Variants in PAX4 observed in about 807,000 individuals in gnomAD.
The protein encoded by PAX4 is paired box 4, also known as paired box protein Pax-4.
A neutral mutation model predicts 40.6 loss-of-function variants in PAX4; 33 were observed. The observed-to-expected ratio is 0.81, with a 90% CI of 0.62 to 1.09. PAX4 has a LOEUF of 1.09. Ranked by LOEUF, PAX4 falls within the 50% of genes least tolerant of loss-of-function variation. The pLI, the probability that PAX4 is intolerant of heterozygous loss-of-function variation, is 0.00. For missense variants in PAX4, 459 were observed against 442.5 expected (o/e 1.04, Z -0.33); for synonymous variants, 174 against 170.6 (o/e 1.02, Z -0.16).
Position 127,611,447 on chromosome 7 carries a change from C to T in PAX4, c.913+88G>A, listed in dbSNP as rs747910679. The T allele has an allele frequency of 7.0e-4, 1,129 of 1,604,954 alleles. 1 individual carries two copies. The highest frequency in any genetic ancestry group is 9.2e-4 in the Non-Finnish European group (1,077 of 1,175,710). On this transcript the variant is annotated intron_variant, in intron 11 of 11. Transcript: ENST00000639438. Reference sequence around the variant, plus strand: ...GCTGTATTGAGATTCCTTTGATGACCCCCAATGGAGATCCATGCCCTCCTG... The same window carrying T: ...GCTGTATTGAGATTCCTTTGATGACTCCCAATGGAGATCCATGCCCTCCTG...
chr7:127,611,194 G>T lies in PAX4; in HGVS notation c.926C>A (p.Pro309Gln). 1.3e-6 allele frequency: 2 copies of T among 1,599,850 alleles called. No individual in the cohort carries two copies. Among genetic ancestry groups the T allele is most frequent in the Non-Finnish European group, 1.7e-6 (2 of 1,173,452 alleles). The change falls in exon 12 of 12, where the codon CCA (proline) becomes CAA (glutamine). Residue 309 changes from proline (P) to glutamine (Q), a missense_variant. By Grantham distance (76) the Pro-to-Gln change is moderately conservative. Transcript: ENST00000639438. The part of the protein sequence containing the change: ...CLKPCWGHLP[P>Q]QPNSLDSGLL... ...TCCTGAGTCCAGGGAATTCGGCTGT[G>T]GGGGCAAGTGGCCTGTGGGGACAAA...
Position 127,615,601 on chromosome 7 carries a change from T to G in PAX4, c.14-70A>C. Reference sequence around the variant, plus strand: ...CCTGCCCGCCTGTGGAGAGGGTCACTCAGGCCCCTCCAGCCTGGCTTCCCA... The same window carrying G: ...CCTGCCCGCCTGTGGAGAGGGTCACGCAGGCCCCTCCAGCCTGGCTTCCCA... On this transcript the variant is annotated intron_variant, in intron 3 of 11. Transcript: ENST00000639438. 3 of 1,609,508 alleles carry G rather than the reference T, an allele frequency of 1.9e-6. No homozygotes were observed. The Admixed American group carries it at 5.0e-5, about 27-fold the overall frequency.
chr7:127,611,553 A>T lies in PAX4; in HGVS notation c.895T>A (p.Cys299Ser), dbSNP rs764864069. 1 of 1,613,750 alleles carries T rather than the reference A, an allele frequency of 6.2e-7. No homozygotes were observed. The highest frequency in any genetic ancestry group is 8.5e-7 in the Non-Finnish European group (1 of 1,179,848). Residue 299 changes from cysteine (C) to serine (S), a missense_variant, in exon 11 of 12, where the codon TGT becomes AGT. Transcript: ENST00000639438. ...TTCTTACCCCAGCAGGGCTTGAGAC[A>T]GGCTTTAGGTGGGGTGTCACTCAGA... The part of the protein sequence containing the change: ...RCLSDTPPKA[C>S]LKPCWGHLPP...
At position 127,611,108 on chromosome 7, in the gene PAX4, C is replaced by A. The variant is rs1441836757; in HGVS notation, c.1012G>T (p.Ala338Ser). Residue 338 changes from alanine to serine, a missense_variant, in exon 12 of 12, where the codon GCC (alanine) becomes TCC (serine). Coordinates refer to ENST00000639438, the MANE Select transcript of PAX4 (RefSeq NM_001366110.1). ...CHLASLSGSQALLWPGCPLLY... is the reference protein window; with the variant it reads ...CHLASLSGSQSLLWPGCPLLY... ...AGTGGGCAGCCAGGCCAGAGCAGGG[C>A]CTGAGAGCCACTAAGACTGGCCAGG... The A allele has an allele frequency of 1.2e-6, 2 of 1,607,756 alleles. No homozygotes were observed. The highest frequency in any genetic ancestry group is 1.7e-6 in the Non-Finnish European group (2 of 1,176,784).
chr7:127,613,103 C>T lies in PAX4; in HGVS notation c.646-12G>A, dbSNP rs368932330. On this transcript the variant is annotated splice_polypyrimidine_tract_variant and intron_variant, in intron 8 of 11. Transcript: ENST00000639438. ...TTGGAAAACCAGACCTGAGCGAGGA[C>T]AGGGACAATGCAGCTGGCTGTACTT... The T allele has an allele frequency of 6.2e-7, 1 of 1,610,566 alleles. No individual in the cohort carries two copies.
chr7:127,614,731 C>A, intron 5 of PAX4, 149 bp downstream of exon 5: 3 of 1,237,324 alleles, frequency 2.4e-6, no homozygotes, highest in Non-Finnish European at 3.5e-6. Flanking sequence ...TTATTACCAC[C>A]ACTTTTCAAA....
In PAX4 at chr7:127,613,862, G is replaced by A. The variant is rs61749955; in HGVS notation, c.456C>T (p.Val152=). The A allele has an allele frequency of 3.3e-3, 5,256 of 1,614,048 alleles. 14 individuals are homozygous for A. The highest frequency in any genetic ancestry group is 4.2e-3 in the Non-Finnish European group (4,922 of 1,179,978). The change falls in exon 7 of 12, where the codon GTC becomes GTT. Residue 152 remains valine (V), a synonymous_variant. Coordinates refer to ENST00000639438, the MANE Select transcript of PAX4 (RefSeq NM_001366110.1). ...LRSPAVLAPA[V]LTPHSGSETP... ...TCTCAGAGCCACTATGGGGAGTGAG[G>A]ACAGCTGGAGCCAAAACAGCTGAAA...
intron 2 of PAX4, 73 bp downstream of exon 2, chr7:127,617,202 A>G (rs1193670752): frequency 6.6e-6 from 1 of 152,252 alleles, no homozygotes; most frequent in African/African-American, 2.4e-5. Flanking sequence ...CACCAGTGAA[A>G]CAAAGAATTA....
chr7:127,612,836 T>C (rs1457880590), intron 9 of PAX4, among the ~76,000 whole-genome samples, 186 bp downstream of exon 9: 2 of 129,722 alleles, frequency 1.5e-5, no homozygotes. Flanking sequence ...GTGGGTGTGG[T>C]GGGTGGATGA....
At chr7:127,611,232 G>T in intron 11 of PAX4, 26 bp from the exon 12 acceptor site, 3 of 1,567,044 alleles carry the variant, frequency 1.9e-6, no homozygotes, top group Non-Finnish European at 2.6e-6. Context: ...GAGAGAGCTT[G>T]GGGTTATTGC....
At chr7:127,613,640 C>T (rs1012798329) in intron 7 of PAX4, 108 bp from the exon 8 acceptor site, 1 of 1,552,502 alleles carries the variant, frequency 6.4e-7, no homozygotes, top group Admixed American at 1.8e-5. Flanking sequence ...TACCTTCCTC[C>T]TCAAGGCAGG....
intron 9 of PAX4, among the ~76,000 whole-genome samples, chr7:127,612,485 G>GGATA (rs1436692756): frequency 1.3e-5 from 2 of 151,692 alleles, no homozygotes; most frequent in African/African-American, 4.9e-5. Context: ...ATGGATGGAT[G>GGATA]GATGGATGGA....
Position 127,610,487 on chromosome 7 carries a change from C to G in PAX4, c.*577G>C. On this transcript the variant is annotated 3_prime_UTR_variant, in exon 12 of 12. Transcript: ENST00000639438. ...TATTGTGATTATGTAAGACAAGTTT[C>G]TTGTTTTTTGGGGATGCATGCTGGA... is the stretch of plus-strand genomic sequence containing the variant. 1 of 187,866 alleles carries G rather than the reference C, an allele frequency of 5.3e-6. No individual in the cohort carries two copies. The allele number at this position is 187,866 out of a possible 1,614,324, so 11.6% of individuals were successfully genotyped here. A position where few individuals can be genotyped will look rare whatever the true frequency, so the allele number is the denominator to read the frequency against.
intron 3 of PAX4, 132 bp downstream of exon 3, chr7:127,615,784 G>A (rs2116145467): frequency 2.0e-6 from 3 of 1,516,932 alleles, no homozygotes; most frequent in Non-Finnish European, 2.6e-6. Context: ...AGGGCAGGAA[G>A]GGAGGGACTG....
Position 127,612,015 on chromosome 7 carries a change from T to G in PAX4, c.716-15A>C. ...CTGGGAAGCACCTATAAAATGAGAG[T>G]GAATCCACTCAGAAGGAGGAATTGG... On this transcript the variant is annotated splice_polypyrimidine_tract_variant and intron_variant, in intron 9 of 11. Transcript: ENST00000639438. The G allele has an allele frequency of 6.2e-7, 1 of 1,613,032 alleles. No individual in the cohort carries two copies. The highest frequency in any genetic ancestry group is 8.5e-7 in the Non-Finnish European group (1 of 1,179,490).
rs528075802 is a variant in PAX4, at chr7:127,613,457, G to A, written c.638C>T (p.Thr213Met). The A allele has an allele frequency of 6.8e-5, 109 of 1,613,894 alleles. 1 individual carries two copies. Among genetic ancestry groups the A allele is most frequent in the South Asian group, 6.3e-4 (57 of 91,080 alleles). Reference protein sequence around the residue: ...LATATSLPEDTVRVWFSNRRA... With the variant: ...LATATSLPEDMVRVWFSNRRA... ...GTTGCAGAGCTCACTCACCCTCACC[G>A]TGTCCTCAGGCAGAGAGGTGGCAGT... The change falls in exon 8 of 12, where the codon ACG becomes ATG. Residue 213 changes from threonine to methionine, a missense_variant. Physicochemically the swap from Thr to Met is moderately conservative, Grantham distance 81. Coordinates refer to ENST00000639438, the MANE Select transcript of PAX4 (RefSeq NM_001366110.1).
At chr7:127,611,300 C>G in intron 11 of PAX4, 94 bp from the exon 12 acceptor site, 2 of 1,322,762 alleles carry the variant, frequency 1.5e-6, no homozygotes, top group East Asian at 2.5e-5. Flanking sequence ...AGTTTCCCAC[C>G]CTGCATATAC....
chr7:127,613,545 A>C lies in PAX4; in HGVS notation c.563-13T>G. ...CCACGCTGGAACTCTGCGGAGATCG[A>C]GTCTCACAAAGTAAGGGCACCGGGA... On this transcript the variant is annotated splice_polypyrimidine_tract_variant and intron_variant, in intron 7 of 11. Transcript: ENST00000639438. The C allele has an allele frequency of 6.2e-7, 1 of 1,613,972 alleles. No individual in the cohort carries two copies. The highest frequency in any genetic ancestry group is 1.1e-5 in the South Asian group (1 of 91,084).
At position 127,610,612 on chromosome 7, in the gene PAX4, A is replaced by G; in HGVS notation, c.*452T>C. 1.8e-6 allele frequency: 1 copy of G among 550,472 alleles called. No individual in the cohort carries two copies. Among genetic ancestry groups the G allele is most frequent in the Non-Finnish European group, 3.3e-6 (1 of 306,146 alleles). The allele number at this position is 550,472 out of a possible 1,614,324, so 34.1% of individuals were successfully genotyped here. A position where few individuals can be genotyped will look rare whatever the true frequency, so the allele number is the denominator to read the frequency against. ...GCATACATAATACACATATAGATGC[A>G]TACATAGAGTAGGTAAATTGATGCA... is the stretch of plus-strand genomic sequence containing the variant. On this transcript the variant is annotated 3_prime_UTR_variant, in exon 12 of 12. Transcript: ENST00000639438.
Sources: allele counts gnomAD v4.1 joint callset (sites outside exome capture counted in the v4.1 genomes callset), GRCh38; gene constraint gnomAD v4.1.1; transcripts MANE v1.5; gene names NCBI Gene and HGNC (gene_info 2026-07-23, HGNC 2026-07-21).